Variants in ARHGAP21 observed in about 807,000 individuals in gnomAD.
ARHGAP21 encodes Rho GTPase activating protein 21, also known as rho GTPase-activating protein 21.
ARHGAP21 carries 38 observed loss-of-function variants against 164.6 expected under a neutral mutation model. That is an observed-to-expected ratio of 0.23 (90% CI 0.18 to 0.30). The LOEUF is 0.30. Ranked by LOEUF, ARHGAP21 falls within the 10% of genes least tolerant of loss-of-function variation. ARHGAP21 has a pLI of 1.00. For synonymous variants in ARHGAP21, 766 were observed against 857.9 expected (o/e 0.89, Z 1.87); for missense variants, 1,822 against 2,370.7 (o/e 0.77, Z 4.81).
Position 24,587,989 on chromosome 10 carries a change from A to C in ARHGAP21, c.4182+1282T>G, listed in dbSNP as rs1460775664. 2.0e-5 allele frequency among the ~76,000 whole-genome samples: 3 copies of C among 152,230 alleles called. No homozygotes were observed. In the East Asian group the frequency reaches 5.8e-4, roughly 29 times the overall value. Reference sequence around the variant, plus strand: ...GCATCTAGAGAAGGGAAAAGCAGGGATTTCAAACAGGTCTCTCTGGTTTAA... The same window carrying C: ...GCATCTAGAGAAGGGAAAAGCAGGGCTTTCAAACAGGTCTCTCTGGTTTAA... On this transcript the variant is annotated intron_variant, in intron 25 of 25. Coordinates refer to ENST00000396432, the MANE Select transcript of ARHGAP21 (RefSeq NM_020824.4).
chr10:24,679,150 T>C (rs919127074), intron 2 of ARHGAP21, among the ~76,000 whole-genome samples: 4 of 152,242 alleles, frequency 2.6e-5, no homozygotes, highest in Admixed American at 6.5e-5. Context: ...TTGGGTCATA[T>C]GTCATCTTAG....
intron 7 of ARHGAP21, among the ~76,000 whole-genome samples, chr10:24,625,315 A>AC (rs1835028672): frequency 6.6e-6 from 1 of 151,002 alleles, no homozygotes; most frequent in Non-Finnish European, 1.5e-5. Flanking sequence ...AAAAAAAAAA[A>AC]AAAAAAAACC....
Position 24,721,954 on chromosome 10 carries a change from G to T in ARHGAP21, c.-55C>A. The T allele has an allele frequency of 6.3e-7, 1 of 1,580,282 alleles. No homozygotes were observed. The highest frequency in any genetic ancestry group is 1.7e-5 in the Admixed American group (1 of 58,940). ...TCCTTTGGAGTCCACATTGGACGTGGCGGGGAATGCCACCACACACCCGAA... is the reference window on the plus strand; with the variant it reads ...TCCTTTGGAGTCCACATTGGACGTGTCGGGGAATGCCACCACACACCCGAA... On this transcript the variant is annotated 5_prime_UTR_variant, in exon 2 of 26. Transcript: ENST00000396432.
chr10:24,652,080 G>A (rs566535346), intron 4 of ARHGAP21, among the ~76,000 whole-genome samples: 2 of 152,096 alleles, frequency 1.3e-5, no homozygotes, highest in Admixed American at 6.5e-5. Context: ...AATCTCCGTC[G>A]CATATTCTTC....
chr10:24,646,469 C>T lies in ARHGAP21; in HGVS notation c.269-11366G>A, dbSNP rs186279118. 8.5e-5 allele frequency among the ~76,000 whole-genome samples: 13 copies of T among 152,112 alleles called. No homozygotes were observed. The East Asian group carries it at 2.5e-3, about 30-fold the overall frequency. The stretch of plus-strand genomic sequence containing the variant: ...CCTAGGCAACATGGCAAAACCTTGT[C>T]GCTACAAAAAATACAAAAATCAGTC... On this transcript the variant is annotated intron_variant, in intron 4 of 25. Transcript: ENST00000396432.
intron 2 of ARHGAP21, among the ~76,000 whole-genome samples, chr10:24,710,552 TACCCATGAAGG>T (rs1038748426): frequency 3.3e-5 from 5 of 151,496 alleles, no homozygotes; most frequent in Admixed American, 6.6e-5. Flanking sequence ...TGCCCATGTA[TACCCATGAAGG>T]TAGGAACCAG....
At chr10:24,642,764 C>T (rs993358019) in intron 4 of ARHGAP21, among the ~76,000 whole-genome samples, 7 of 152,110 alleles carry the variant, frequency 4.6e-5, no homozygotes, top group African/African-American at 7.2e-5. Context: ...AAATTAAGTG[C>T]CTTAACAAGT....
chr10:24,678,164 G>A (rs1020073730), intron 2 of ARHGAP21, among the ~76,000 whole-genome samples: 4 of 151,962 alleles, frequency 2.6e-5, no homozygotes. Flanking sequence ...TAATCTTTAC[G>A]CAATTTCCTT....
chr10:24,679,474 A>C (rs1841570022), intron 2 of ARHGAP21, among the ~76,000 whole-genome samples: 1 of 152,144 alleles, frequency 6.6e-6, no homozygotes, highest in South Asian at 2.1e-4. Flanking sequence ...CAACATATAA[A>C]TTTTTGGAGG....
At chr10:24,719,098 TACACACACACACAC>T (rs57863565) in intron 2 of ARHGAP21, among the ~76,000 whole-genome samples, 3 of 147,504 alleles carry the variant, frequency 2.0e-5, no homozygotes, top group East Asian at 2.0e-4. Context: ...CTTCACGGAC[TACACACACACACAC>T]ACACACACAC....
At chr10:24,598,528 TAAGAG>T (rs142991292) in intron 14 of ARHGAP21, among the ~76,000 whole-genome samples, 2,240 of 152,298 alleles carry the variant, frequency 0.015, 60 homozygotes, top group African/African-American at 0.051. Context: ...TATCAGAAGA[TAAGAG>T]AAAAGCTCAA....
chr10:24,641,525 C>G (rs1429450475), intron 4 of ARHGAP21, among the ~76,000 whole-genome samples: 1 of 152,206 alleles, frequency 6.6e-6, no homozygotes, highest in African/African-American at 2.4e-5. Context: ...TGTCAGGTCT[C>G]AATCACATTA....
At chr10:24,682,560 C>T (rs543077109) in intron 2 of ARHGAP21, among the ~76,000 whole-genome samples, 13 of 152,164 alleles carry the variant, frequency 8.5e-5, no homozygotes, top group Admixed American at 5.2e-4. Context: ...GGAAATCTGA[C>T]GTTGTGAACT....
intron 4 of ARHGAP21, among the ~76,000 whole-genome samples, chr10:24,661,301 AAACT>A (rs1206122729): frequency 2.6e-5 from 4 of 151,854 alleles, no homozygotes; most frequent in African/African-American, 9.7e-5. Context: ...ATAGTACAGA[AAACT>A]AACCAACAAG....
intron 9 of ARHGAP21, 146 bp downstream of exon 9, chr10:24,619,325 CTG>C: frequency 1.3e-6 from 1 of 766,548 alleles, no homozygotes. Flanking sequence ...TGTGAAAGCT[CTG>C]GTTGAAGCAC....
intron 9 of ARHGAP21, among the ~76,000 whole-genome samples, chr10:24,613,703 A>T (rs2077361043): frequency 6.6e-6 from 1 of 152,196 alleles, no homozygotes; most frequent in Admixed American, 6.5e-5. Context: ...ATCCAAGAGG[A>T]ACTACTGTGA....
chr10:24,600,649 T>A lies in ARHGAP21; in HGVS notation c.3129A>T (p.Glu1043Asp). The change falls in exon 14 of 26, where the codon GAA becomes GAT. Residue 1043 changes from glutamate (E) to aspartate (D), a missense_variant. Physicochemically the swap from Glu to Asp is conservative, Grantham distance 45 (BLOSUM62 2). Coordinates refer to ENST00000396432, the MANE Select transcript of ARHGAP21 (RefSeq NM_020824.4). ...KTIQESSNLN[E>D]EDTGVTNRDL... is the part of the protein sequence containing the mutation. ...CAGCATTCCTTTGAACACCCACCTC[T>A]TCGTTTAGGTTGCTGCTCTCCTGGA... 1.9e-6 allele frequency: 3 copies of A among 1,612,492 alleles called. No homozygotes were observed. Among genetic ancestry groups the A allele is most frequent in the Non-Finnish European group, 2.5e-6 (3 of 1,178,622 alleles).
At chr10:24,617,318 T>C (rs931392902) in intron 9 of ARHGAP21, among the ~76,000 whole-genome samples, 10 of 152,326 alleles carry the variant, frequency 6.6e-5, no homozygotes, top group African/African-American at 2.4e-4. Context: ...AATCTGATTA[T>C]ATTGTTGTTA....
rs985893596 is a variant in ARHGAP21, at chr10:24,621,355, A to G, written c.540T>C (p.Asp180=). The part of the protein sequence containing the change: ...KDVTALAYSQ[D]AYLKGNEAYS... ...AAGCTTCGTTGCCTTTCAGGTAGGC[A>G]TCTTGAGAATATGCCTGTATAGAAA... The change falls in exon 9 of 26, where the codon GAT becomes GAC. Residue 180 remains aspartate, a synonymous_variant. Transcript: ENST00000396432. 1 of 1,601,466 alleles carries G rather than the reference A, an allele frequency of 6.2e-7. No homozygotes were observed. The highest frequency in any genetic ancestry group is 1.3e-5 in the African/African-American group (1 of 74,736).
Sources: gnomAD v4.1 joint callset for allele counts (sites outside exome capture counted in the v4.1 genomes callset) on GRCh38, gnomAD v4.1.1 for gene constraint, MANE v1.5 for transcripts, NCBI Gene and HGNC (gene_info 2026-07-23, HGNC 2026-07-21) for gene names.